Variants in TOMM20 observed in about 807,000 individuals in gnomAD.
TOMM20 encodes translocase of outer mitochondrial membrane 20.
TOMM20 carries 10 observed loss-of-function variants against 22.1 expected under a neutral mutation model. The observed-to-expected ratio is 0.45, with a 90% CI of 0.28 to 0.77. TOMM20 has a LOEUF of 0.77. Ranked by LOEUF, TOMM20 falls within the 30% of genes least tolerant of loss-of-function variation. The probability of loss-of-function intolerance (pLI) is 0.13; values close to 1 mark genes in which losing one functional copy is unlikely to be tolerated. For missense variants in TOMM20, 121 were observed against 172.2 expected (o/e 0.70, Z 1.66); for synonymous variants, 55 against 61.4 (o/e 0.90, Z 0.49).
intron 2 of TOMM20, among the ~76,000 whole-genome samples, chr1:235,120,976 C>T (rs1297473520): frequency 2.0e-5 from 3 of 151,794 alleles, no homozygotes; most frequent in Non-Finnish European, 2.9e-5. Context: ...CCAAGGCGGG[C>T]AGATCACAAG....
At chr1:235,114,679 C>T (rs769643811) in intron 3 of TOMM20, among the ~76,000 whole-genome samples, 6 of 152,014 alleles carry the variant, frequency 3.9e-5, no homozygotes, top group Non-Finnish European at 8.8e-5. Context: ...CCACATGATC[C>T]GCCCACCTCG....
chr1:235,122,508 C>A (rs1339993974), intron 1 of TOMM20, 136 bp from the exon 2 acceptor site: 7 of 733,974 alleles, frequency 9.5e-6, no homozygotes, highest in Non-Finnish European at 1.6e-5. Flanking sequence ...TCCCTGTGAT[C>A]TGTCAAGAGC....
In TOMM20 at chr1:235,119,872, C is replaced by G. The variant is rs757743564; in HGVS notation, c.196G>C (p.Val66Leu). The G allele has an allele frequency of 3.7e-6, 6 of 1,611,834 alleles. No individual in the cohort carries two copies. The Admixed American group carries it at 6.7e-5, about 18-fold the overall frequency. ...KLPDLKDAEAVQKFFLEEIQL... is the reference protein window; with the variant it reads ...KLPDLKDAEALQKFFLEEIQL... ...ATTTCTTCAAGGAAGAACTTCTGAA[C>G]AGCTTCAGCATCTTTAAGGTCAGGT... The change falls in exon 3 of 5, where the codon GTT (valine) becomes CTT (leucine). Residue 66 changes from valine to leucine, a missense_variant. Transcript: ENST00000366607.
At chr1:235,116,920 G>C (rs906011448) in intron 3 of TOMM20, among the ~76,000 whole-genome samples, 2 of 151,720 alleles carry the variant, frequency 1.3e-5, no homozygotes, top group Non-Finnish European at 2.9e-5. Context: ...CGGATCACAA[G>C]GTCAGGAGAT....
intron 3 of TOMM20, among the ~76,000 whole-genome samples, chr1:235,119,182 T>C (rs909800652): frequency 1.3e-5 from 2 of 152,244 alleles, no homozygotes; most frequent in Non-Finnish European, 2.9e-5. Flanking sequence ...GTTTGTCAAT[T>C]TGATAATTTC....
At chr1:235,117,490 A>T (rs200442138) in intron 3 of TOMM20, among the ~76,000 whole-genome samples, 3 of 145,856 alleles carry the variant, frequency 2.1e-5, no homozygotes, top group African/African-American at 7.8e-5. Context: ...AAAAAAAAAA[A>T]GGAGAAAACA....
intron 1 of TOMM20, chr1:235,127,886 CA>C (rs757089913): frequency 1.2e-5 from 6 of 519,016 alleles, no homozygotes; most frequent in Admixed American, 9.7e-5. Flanking sequence ...AGCATTCACT[CA>C]TATCTTGGAA....
chr1:235,117,134 C>CAAAA (rs869235889), intron 3 of TOMM20, among the ~76,000 whole-genome samples: 26 of 30,386 alleles, frequency 8.6e-4, no homozygotes, highest in East Asian at 4.6e-3. Context: ...GACTCCATCT[C>CAAAA]AAAAAAAAAA....
At chr1:235,113,998 G>C in intron 3 of TOMM20, 88 bp from the exon 4 acceptor site, 1 of 1,404,506 alleles carries the variant, frequency 7.1e-7, no homozygotes, top group South Asian at 1.5e-5. Flanking sequence ...AAATGATGCT[G>C]ACCAAAAACA....
At chr1:235,125,316 G>A (rs528595606) in intron 1 of TOMM20, among the ~76,000 whole-genome samples, 46 of 152,268 alleles carry the variant, frequency 3.0e-4, no homozygotes, top group African/African-American at 1.0e-3. Flanking sequence ...CCGAGTTCAC[G>A]CCATTCTCCT....
chr1:235,128,436 G>C (rs926137072), intron 1 of TOMM20, among the ~76,000 whole-genome samples, 159 bp downstream of exon 1: 1 of 152,234 alleles, frequency 6.6e-6, no homozygotes, highest in Admixed American at 6.5e-5. Context: ...CGGGGCACTA[G>C]AGCCCCCGGA....
chr1:235,126,576 G>A (rs942602217), intron 1 of TOMM20, among the ~76,000 whole-genome samples: 14 of 151,964 alleles, frequency 9.2e-5, no homozygotes, highest in African/African-American at 2.9e-4. Context: ...AGGCTGAGAC[G>A]GGCAGATCAT....
At chr1:235,124,019 T>A (rs983155076) in intron 1 of TOMM20, among the ~76,000 whole-genome samples, 1 of 152,254 alleles carries the variant, frequency 6.6e-6, no homozygotes, top group Non-Finnish European at 1.5e-5. Flanking sequence ...CTGTTCTAAA[T>A]GTTTATTAGC....
rs1477050813 is a variant in TOMM20, at chr1:235,110,014, T to C, written c.*2050A>G. ...GAGAAAAAACTGCTGATTTTTTCTT[T>C]AACTCGACACAGCTAGCTTTAAAAA... On this transcript the variant is annotated 3_prime_UTR_variant, in exon 5 of 5. Transcript: ENST00000366607. 1 of 152,212 alleles carries C rather than the reference T, an allele frequency of 6.6e-6. No homozygotes were observed. The highest frequency in any genetic ancestry group is 6.5e-5 in the Admixed American group (1 of 15,274). The allele number at this position is 152,212 out of a possible 1,614,324, so 9.4% of individuals were successfully genotyped here. A position where few individuals can be genotyped will look rare whatever the true frequency, so the allele number is the denominator to read the frequency against.
At chr1:235,113,567 A>G (rs914198953) in intron 4 of TOMM20, among the ~76,000 whole-genome samples, 4 of 152,202 alleles carry the variant, frequency 2.6e-5, no homozygotes, top group African/African-American at 4.8e-5. Context: ...ATCCACCTCC[A>G]GGGCACAATC....
chr1:235,117,132 CTCA>C (rs1350792771), intron 3 of TOMM20, among the ~76,000 whole-genome samples: 1 of 51,402 alleles, frequency 1.9e-5, no homozygotes, highest in Non-Finnish European at 3.2e-5. Flanking sequence ...GAGACTCCAT[CTCA>C]AAAAAAAAAA....
At chr1:235,128,493 C>T in intron 1 of TOMM20, 102 bp downstream of exon 1, 2 of 1,565,986 alleles carry the variant, frequency 1.3e-6, no homozygotes, top group South Asian at 1.2e-5. Context: ...ACCACGCGGT[C>T]GCCCTGCGCG....
intron 1 of TOMM20, among the ~76,000 whole-genome samples, chr1:235,128,274 G>C (rs1661067034): frequency 1.3e-5 from 2 of 152,224 alleles, no homozygotes; most frequent in African/African-American, 4.8e-5. Context: ...AAGAGTAGAG[G>C]TTTAAAAAGA....
intron 4 of TOMM20, 136 bp from the exon 5 acceptor site, chr1:235,112,244 T>C (rs148725884): frequency 1.3e-5 from 9 of 704,524 alleles, no homozygotes; most frequent in Middle Eastern, 6.2e-4. Context: ...TAATTCAAAA[T>C]GTAACACTTT....
Sources: gnomAD v4.1 joint callset for allele counts (sites outside exome capture counted in the v4.1 genomes callset) on GRCh38, gnomAD v4.1.1 for gene constraint, MANE v1.5 for transcripts, NCBI Gene and HGNC (gene_info 2026-07-23, HGNC 2026-07-21) for gene names.